The following GRIA3 variants were observed in gnomAD, a reference collection of about 807,000 sequenced individuals.
GRIA3 encodes glutamate ionotropic receptor AMPA type subunit 3.
In GRIA3, 3 loss-of-function variants were observed where a neutral mutation model predicts 63.0. That is an observed-to-expected ratio of 0.05 (90% CI 0.02 to 0.12). The LOEUF (loss-of-function observed/expected upper bound fraction) is 0.12, where lower values mean the gene tolerates loss of function less well. Ranked by LOEUF, GRIA3 falls within the 10% of genes least tolerant of loss-of-function variation. The pLI is 1.00. For synonymous variants in GRIA3, 274 were observed against 257.9 expected (o/e 1.06, Z -0.60); for missense variants, 347 against 700.9 (o/e 0.50, Z 5.70).
chrX:123,430,813 T>C (rs1386768121), intron 12 of GRIA3, among the ~76,000 whole-genome samples: 1 of 110,413 alleles, frequency 9.1e-6, no homozygotes, highest in African/African-American at 3.3e-5. Flanking sequence ...TAAAACCCTG[T>C]CTCTACTAAA....
At chrX:123,207,833 A>T (rs1430990885) in intron 2 of GRIA3, among the ~76,000 whole-genome samples, 1 of 111,408 alleles carries the variant, frequency 9.0e-6, no homozygotes, top group Non-Finnish European at 1.9e-5. Context: ...CTGACAAGAG[A>T]AGGCCAAAAG....
chrX:123,470,463 TA>T (rs2045855877), intron 13 of GRIA3, among the ~76,000 whole-genome samples: 1 of 112,017 alleles, frequency 8.9e-6, no homozygotes, highest in Non-Finnish European at 1.9e-5. Context: ...TTAAGGTACC[TA>T]AAAAGAGTTT....
chrX:123,359,033 T>C (rs1290452064), intron 5 of GRIA3, among the ~76,000 whole-genome samples: 2 of 111,608 alleles, frequency 1.8e-5, no homozygotes, highest in African/African-American at 6.5e-5. Flanking sequence ...AGAATTCATC[T>C]AACTAGCTAT....
chrX:123,422,564 T>C, intron 11 of GRIA3, among the ~76,000 whole-genome samples: 1 of 111,869 alleles, frequency 8.9e-6, no homozygotes, highest in Non-Finnish European at 1.9e-5. Context: ...AGCATAGTGG[T>C]TAAGCACGTG....
intron 2 of GRIA3, among the ~76,000 whole-genome samples, chrX:123,207,494 C>T (rs1041634007): frequency 4.5e-5 from 5 of 111,644 alleles, no homozygotes; most frequent in African/African-American, 1.6e-4. Context: ...CCAGAGCCTT[C>T]TCTTTTAACC....
At chrX:123,409,519 G>A (rs913366010) in intron 10 of GRIA3, among the ~76,000 whole-genome samples, 2 of 111,577 alleles carry the variant, frequency 1.8e-5, no homozygotes, top group Admixed American at 1.9e-4. Flanking sequence ...AAGCCCTTCA[G>A]AACATCATGG....
intron 2 of GRIA3, chrX:123,204,723 G>T (rs1424045434): frequency 2.4e-6 from 2 of 822,014 alleles, no homozygotes; most frequent in Non-Finnish European, 1.6e-6. Context: ...TGGGAGTTGA[G>T]GGGAAAATGG....
intron 5 of GRIA3, among the ~76,000 whole-genome samples, chrX:123,386,377 T>A (rs2045354333): frequency 8.9e-6 from 1 of 111,976 alleles, no homozygotes; most frequent in Non-Finnish European, 1.9e-5. Context: ...GGATGAATAG[T>A]TTACAAATAT....
At chrX:123,226,882 T>A (rs935623598) in intron 2 of GRIA3, among the ~76,000 whole-genome samples, 1 of 110,537 alleles carries the variant, frequency 9.0e-6, no homozygotes, top group South Asian at 3.9e-4. Context: ...CAGTAATATT[T>A]ATCTGCAACT....
chrX:123,262,645 G>A (rs982811692), intron 3 of GRIA3, among the ~76,000 whole-genome samples: 66 of 112,128 alleles, frequency 5.9e-4, no homozygotes, highest in African/African-American at 2.0e-3. Context: ...CTTGGCCAGA[G>A]AGACATATTA....
Position 123,349,283 on chromosome X carries a change from A to G in GRIA3, c.697-5627A>G, listed in dbSNP as rs72609493. Among the ~76,000 whole-genome samples, 38 of 112,335 alleles carry G rather than the reference A, an allele frequency of 3.4e-4. No homozygotes were observed. The East Asian group carries it at 0.01, about 30-fold the overall frequency. On this transcript the variant is annotated intron_variant, in intron 4 of 15. Coordinates refer to ENST00000620443, the MANE Select transcript of GRIA3 (RefSeq NM_007325.5). ...TAAATGGCTGTTTATCCCCAATACC[A>G]ATAATAATCTGTTGCTCCTTTAATT...
chrX:123,195,975 G>T (rs1195061857), intron 2 of GRIA3, among the ~76,000 whole-genome samples: 1 of 111,251 alleles, frequency 9.0e-6, no homozygotes, highest in Non-Finnish European at 1.9e-5. Flanking sequence ...CTTCCCCCAG[G>T]CAATGCGGAG....
Position 123,342,182 on chromosome X carries a change from C to A in GRIA3, c.697-12728C>A, listed in dbSNP as rs187690671. Among the ~76,000 whole-genome samples, 28 of 112,098 alleles carry A rather than the reference C, an allele frequency of 2.5e-4. No individual in the cohort carries two copies. The East Asian group carries it at 7.6e-3, about 30-fold the overall frequency. ...TTAACTATGCCTGCCCCAATCAGCG[C>A]CCCCTGCTTTTGAAAGGTATAGCTA... On this transcript the variant is annotated intron_variant, in intron 4 of 15. Transcript: ENST00000620443.
intron 12 of GRIA3, among the ~76,000 whole-genome samples, chrX:123,452,438 T>C (rs779627516): frequency 2.4e-4 from 27 of 111,043 alleles, no homozygotes; most frequent in Non-Finnish European, 4.7e-4. Context: ...CTTTTCTTCA[T>C]TGCTTTTTTC....
intron 5 of GRIA3, among the ~76,000 whole-genome samples, chrX:123,382,403 C>G (rs1257054472): frequency 8.9e-6 from 1 of 111,750 alleles, no homozygotes; most frequent in African/African-American, 3.3e-5. Context: ...CAGGCTAATG[C>G]CAATTTGCAG....
intron 7 of GRIA3, among the ~76,000 whole-genome samples, chrX:123,401,916 T>C (rs751789674): frequency 4.8e-4 from 54 of 111,840 alleles, no homozygotes; most frequent in African/African-American, 1.5e-3. Context: ...AACAATTATT[T>C]ATATTTGTAG....
chrX:123,217,944 ATT>A (rs1928199016), intron 2 of GRIA3, among the ~76,000 whole-genome samples: 1 of 112,663 alleles, frequency 8.9e-6, no homozygotes, highest in Non-Finnish European at 1.9e-5. Context: ...CATCTGAATT[ATT>A]TCCGACAGAT....
chrX:123,202,841 A>G (rs1356820816), intron 2 of GRIA3: 11 of 1,037,319 alleles, frequency 1.1e-5, no homozygotes, highest in African/African-American at 1.9e-5. Flanking sequence ...AATCTTGTTC[A>G]CCAATTCCTG....
chrX:123,347,633 A>T (rs746043254), intron 4 of GRIA3, among the ~76,000 whole-genome samples: 5 of 111,543 alleles, frequency 4.5e-5, no homozygotes, highest in Non-Finnish European at 7.5e-5. Flanking sequence ...CGGAGGCTCC[A>T]TTGTTCTAGG....
Sources: gnomAD v4.1 joint callset for allele counts (sites outside exome capture counted in the v4.1 genomes callset) on GRCh38, gnomAD v4.1.1 for gene constraint, MANE v1.5 for transcripts, NCBI Gene and HGNC (gene_info 2026-07-23, HGNC 2026-07-21) for gene names.